RET: variants seen among roughly 807,000 people sequenced by gnomAD.
RET encodes ret proto-oncogene.
RET carries 19 observed loss-of-function variants against 118.3 expected under a neutral mutation model. That is an observed-to-expected ratio of 0.16 (90% CI 0.11 to 0.24). The LOEUF is 0.24. RET is among the 10% of genes least tolerant of loss of function. The pLI is 1.00. For synonymous variants in RET, 597 were observed against 644.1 expected, an observed-to-expected ratio of 0.93 and a Z score of 1.11; for missense variants, 1,219 against 1,502.1, an observed-to-expected ratio of 0.81 and a Z score of 3.12.
chr10:43,128,504 T>A lies in RET; in HGVS notation c.*235T>A. Reference sequence around the variant, plus strand: ...GGGTAAGAGCTCTGAGTCTTAGTGGTTAAGCATTCCTTTCTCTTCAGTGCC... The same window carrying A: ...GGGTAAGAGCTCTGAGTCTTAGTGGATAAGCATTCCTTTCTCTTCAGTGCC... On this transcript the variant is annotated 3_prime_UTR_variant, in exon 20 of 20. Transcript: ENST00000355710. 1 of 592,352 alleles carries A rather than the reference T, an allele frequency of 1.7e-6. No individual in the cohort carries two copies. The highest frequency in any genetic ancestry group is 2.7e-5 in the Admixed American group (1 of 37,380). 36.7% of individuals were successfully genotyped at this position (592,352 alleles called of 1,614,324 possible).
At chr10:43,125,940 GA>G (rs2133025965) in intron 18 of RET, among the ~76,000 whole-genome samples, 1 of 152,298 alleles carries the variant, frequency 6.6e-6, no homozygotes, top group African/African-American at 2.4e-5. Flanking sequence ...AAACAGCCGG[GA>G]AAACGCTGGG....
At chr10:43,115,722 C>A (rs1386013222) in intron 11 of RET, among the ~76,000 whole-genome samples, 2 of 152,244 alleles carry the variant, frequency 1.3e-5, no homozygotes, top group African/African-American at 4.8e-5. Context: ...AGGTCTTGGA[C>A]CCATGACTCA....
At chr10:43,077,934 C>G (rs1222423937) in intron 1 of RET, among the ~76,000 whole-genome samples, 1 of 152,218 alleles carries the variant, frequency 6.6e-6, no homozygotes. Context: ...TGGCTCCCCC[C>G]GAGGGGCCGC....
At chr10:43,084,721 C>T (rs1342433570) in intron 1 of RET, among the ~76,000 whole-genome samples, 1 of 152,172 alleles carries the variant, frequency 6.6e-6, no homozygotes, top group Non-Finnish European at 1.5e-5. Context: ...CCACTGCCCT[C>T]GAGGACCTTG....
At chr10:43,110,901 G>A (rs919306846) in intron 6 of RET, among the ~76,000 whole-genome samples, 5 of 152,154 alleles carry the variant, frequency 3.3e-5, no homozygotes, top group African/African-American at 1.2e-4. Flanking sequence ...TTGAGTCAGG[G>A]CCTGCCTGGG....
rs1298393691 is a variant in RET at position 43,128,218 on chromosome 10, C to T, written c.3294C>T (p.Asn1098=). The stretch of plus-strand genomic sequence containing the variant: ...ATCCAAATGATAGTGTATATGCTAA[C>T]TGGATGCTTTCACCCTCAGCGGCAA... ...PRYPNDSVYA[N]WMLSPSAAKL... is the part of the protein sequence containing the mutation. Residue 1098 remains asparagine (N), a synonymous_variant, in exon 20 of 20, where the codon AAC becomes AAT. Transcript: ENST00000355710. 6.2e-7 allele frequency: 1 copy of T among 1,614,184 alleles called. No individual in the cohort carries two copies. Among genetic ancestry groups the T allele is most frequent in the Non-Finnish European group, 8.5e-7 (1 of 1,180,028 alleles).
chr10:43,079,684 C>A (rs1001111045), intron 1 of RET, among the ~76,000 whole-genome samples: 1 of 152,156 alleles, frequency 6.6e-6, no homozygotes, highest in South Asian at 2.1e-4. Flanking sequence ...CCCTCTCTGC[C>A]CCTGGGCCCC....
chr10:43,123,557 C>A, intron 16 of RET, 114 bp from the exon 17 acceptor site: 1 of 1,403,138 alleles, frequency 7.1e-7, no homozygotes, highest in African/African-American at 1.4e-5. Context: ...AGCATCTGTG[C>A]TTGAAGCCGA....
intron 1 of RET, among the ~76,000 whole-genome samples, chr10:43,078,415 G>T (rs980997960): frequency 6.6e-6 from 1 of 152,238 alleles, no homozygotes; most frequent in Non-Finnish European, 1.5e-5. Flanking sequence ...TGAGTTTCCA[G>T]GCCTGCCTGA....
chr10:43,099,098 G>A (rs1193478277), intron 1 of RET, among the ~76,000 whole-genome samples: 3 of 152,256 alleles, frequency 2.0e-5, no homozygotes, highest in East Asian at 1.9e-4. Context: ...ATAGTGCACC[G>A]TGCCCCTGCT....
intron 1 of RET, among the ~76,000 whole-genome samples, chr10:43,091,905 G>C (rs982040520): frequency 1.3e-5 from 2 of 151,588 alleles, no homozygotes; most frequent in Non-Finnish European, 2.9e-5. Flanking sequence ...AAGGTAAATA[G>C]TGTAGCTGCT....
chr10:43,103,423 A>T (rs1260117851), intron 3 of RET, among the ~76,000 whole-genome samples: 1 of 152,102 alleles, frequency 6.6e-6, no homozygotes, highest in Non-Finnish European at 1.5e-5. Flanking sequence ...GCATGGCGAG[A>T]AGCAGGCAGC....
At chr10:43,095,340 G>A (rs1401360934) in intron 1 of RET, among the ~76,000 whole-genome samples, 1 of 152,116 alleles carries the variant, frequency 6.6e-6, no homozygotes, top group African/African-American at 2.4e-5. Flanking sequence ...AGAAAAGGCA[G>A]GTGTAACAAC....
intron 6 of RET, among the ~76,000 whole-genome samples, chr10:43,110,474 T>G (rs1371833787): frequency 6.6e-6 from 1 of 152,084 alleles, no homozygotes; most frequent in African/African-American, 2.4e-5. Flanking sequence ...CTGTGGAACT[T>G]TTGGTTTCAA....
intron 1 of RET, among the ~76,000 whole-genome samples, chr10:43,094,881 C>T (rs1837489716): frequency 1.3e-5 from 2 of 152,242 alleles, no homozygotes; most frequent in South Asian, 2.1e-4. Flanking sequence ...TAATGGTATG[C>T]GTCTGAGAGA....
Position 43,114,411 on chromosome 10 carries a change from A to T in RET, c.1880-69A>T, listed in dbSNP as rs1838014496. On this transcript the variant is annotated intron_variant, in intron 10 of 19. Coordinates refer to ENST00000355710, the MANE Select transcript of RET (RefSeq NM_020975.6). The surrounding 1 kb of genome is among the most constrained non-coding windows in gnomAD (Gnocchi z 4.6). ...AGGCTGGAGAGCCATGAGGCAGAGC[A>T]TACGCAGCCTGTACCCAGTGGTGCC... 6 of 1,592,626 alleles carry T rather than the reference A, an allele frequency of 3.8e-6. No individual in the cohort carries two copies. The highest frequency in any genetic ancestry group is 5.1e-6 in the Non-Finnish European group (6 of 1,175,354).
At position 43,109,131 on chromosome 10, in the gene RET, C is replaced by T. The variant is rs1837855415; in HGVS notation, c.1164C>T (p.Val388=). 1.9e-6 allele frequency: 3 copies of T among 1,613,936 alleles called. No homozygotes were observed. The part of the protein sequence containing the change: ...DSDFQGPGAG[V]LLLHFNVSVL... The stretch of plus-strand genomic sequence containing the variant: ...ACTTCCAGGGCCCAGGAGCGGGCGT[C>T]CTCTTGCTCCACTTCAACGTGTCGG... Residue 388 remains valine, a synonymous_variant, in exon 6 of 20, where the codon GTC becomes GTT. Coordinates refer to ENST00000355710, the MANE Select transcript of RET (RefSeq NM_020975.6).
At chr10:43,111,592 C>A (rs2132781641) in intron 7 of RET, 127 bp downstream of exon 7, 2 of 1,078,062 alleles carry the variant, frequency 1.9e-6, no homozygotes, top group South Asian at 1.6e-5. Flanking sequence ...CATGGACCAG[C>A]TTCACCCTGA....
intron 16 of RET, 75 bp from the exon 17 acceptor site, chr10:43,123,596 G>A: frequency 6.3e-7 from 1 of 1,596,878 alleles, no homozygotes; most frequent in Admixed American, 1.7e-5. Context: ...GGTGGTGGGG[G>A]TGGATATCTG....
Sources: gnomAD v4.1 joint callset for allele counts (sites outside exome capture counted in the v4.1 genomes callset) on GRCh38, gnomAD v4.1.1 for gene constraint, Gnocchi (gnomAD v3.1) non-coding constraint, MANE v1.5 for transcripts, NCBI Gene and HGNC (gene_info 2026-07-23, HGNC 2026-07-21) for gene names.